ZFP90: variants seen among roughly 807,000 people sequenced by gnomAD.
The protein encoded by ZFP90 is ZFP90 zinc finger protein.
A neutral mutation model predicts 60.8 loss-of-function variants in ZFP90; 38 were observed. The observed-to-expected ratio is 0.62, with a 90% confidence interval of 0.48 to 0.82. ZFP90 has a LOEUF of 0.82. ZFP90 is among the 40% of genes least tolerant of loss of function. The pLI is 0.00. For missense variants in ZFP90, 711 were observed against 759.1 expected (o/e 0.94, Z 0.74); for synonymous variants, 287 against 264.8 (o/e 1.08, Z -0.82).
chr16:68,566,773 A>G lies in ZFP90; in HGVS notation c.*2075A>G. 1 of 985,490 alleles carries G rather than the reference A, an allele frequency of 1.0e-6. No individual in the cohort carries two copies. Among genetic ancestry groups the G allele is most frequent in the Non-Finnish European group, 1.2e-6 (1 of 829,914 alleles). 61.0% of individuals were successfully genotyped at this position (985,490 alleles called of 1,614,324 possible). A position where few individuals can be genotyped will look rare whatever the true frequency, so the allele number is the denominator to read the frequency against. ...ATGCCTGTCAGGAACTCATTATGCT[A>G]CTGGTTGTTTGGGGATCCCCATAGT... On this transcript the variant is annotated 3_prime_UTR_variant, in exon 5 of 5. Transcript: ENST00000563169.
chr16:68,562,872 T>C (rs11648314), intron 4 of ZFP90, 172 bp from the exon 5 acceptor site: 1,116,702 of 1,439,526 alleles, frequency 0.78, 433,996 homozygotes, highest in African/African-American at 0.87. Flanking sequence ...CTGCAGTCTT[T>C]GCTATCATTT....
At chr16:68,538,372 G>A (rs1251528767), upstream of ZFP90, among the ~76,000 whole-genome samples, 2 of 152,042 alleles carry the variant, frequency 1.3e-5, no homozygotes, top group Non-Finnish European at 2.9e-5. Flanking sequence ...TGATATATAA[G>A]ACATAATTAC....
chr16:68,551,571 C>T (rs139787908), intron 2 of ZFP90, among the ~76,000 whole-genome samples: 3 of 151,790 alleles, frequency 2.0e-5, no homozygotes, highest in Admixed American at 6.6e-5. Flanking sequence ...TACAGGTGCC[C>T]GCCACCACGT....
intron 2 of ZFP90, among the ~76,000 whole-genome samples, chr16:68,534,230 TTTC>T (rs2090945700): frequency 2.6e-5 from 1 of 39,190 alleles, no homozygotes; most frequent in African/African-American, 9.5e-5. Context: ...ATTTTCTTTC[TTTC>T]TTTTTTTTTT....
chr16:68,559,268 T>C (rs1373044238), intron 4 of ZFP90, among the ~76,000 whole-genome samples: 1 of 152,174 alleles, frequency 6.6e-6, no homozygotes, highest in Non-Finnish European at 1.5e-5. Flanking sequence ...TCTTCCTTAT[T>C]TGTACCATGG....
intron 2 of ZFP90, among the ~76,000 whole-genome samples, chr16:68,547,362 T>A (rs1302143430): frequency 6.6e-6 from 1 of 152,236 alleles, no homozygotes; most frequent in Admixed American, 6.5e-5. Context: ...TAATTAGTGT[T>A]CTTGAACATC....
chr16:68,542,438 A>C (rs575456319), intron 2 of ZFP90, among the ~76,000 whole-genome samples: 3 of 152,218 alleles, frequency 2.0e-5, no homozygotes, highest in Non-Finnish European at 4.4e-5. Context: ...TAAAAATACA[A>C]AAATTAGCTA....
intron 2 of ZFP90, among the ~76,000 whole-genome samples, chr16:68,555,533 A>G (rs375742059): frequency 6.6e-6 from 1 of 152,346 alleles, no homozygotes; most frequent in East Asian, 1.9e-4. Flanking sequence ...TCATTCAGGA[A>G]ACAGAGATAT....
chr16:68,559,269 T>C (rs901723960), intron 4 of ZFP90, among the ~76,000 whole-genome samples: 1 of 152,192 alleles, frequency 6.6e-6, no homozygotes, highest in Admixed American at 6.5e-5. Context: ...CTTCCTTATT[T>C]GTACCATGGT....
At chr16:68,561,483 C>G (rs1273507979) in intron 4 of ZFP90, among the ~76,000 whole-genome samples, 13 of 152,130 alleles carry the variant, frequency 8.5e-5, no homozygotes, top group Admixed American at 8.5e-4. Flanking sequence ...ATATTTATTT[C>G]TTCCTTTCCT....
upstream of ZFP90, among the ~76,000 whole-genome samples, chr16:68,536,450 G>A (rs942733734): frequency 1.3e-5 from 2 of 151,968 alleles, no homozygotes; most frequent in Non-Finnish European, 2.9e-5. Flanking sequence ...GGGGACTACC[G>A]GCATGCCACC....
At chr16:68,572,587 G>T (rs1426693932) in intron 2 of ZFP90, among the ~76,000 whole-genome samples, 4 of 152,204 alleles carry the variant, frequency 2.6e-5, no homozygotes, top group Non-Finnish European at 5.9e-5. Flanking sequence ...ATGTAAGGAG[G>T]TTCTGATCCA....
intron 2 of ZFP90, among the ~76,000 whole-genome samples, chr16:68,553,834 A>G (rs1167003563): frequency 6.6e-6 from 1 of 152,124 alleles, no homozygotes; most frequent in African/African-American, 2.4e-5. Flanking sequence ...TGTGTTGCCC[A>G]GGCTGGTCTG....
At chr16:68,567,200 A>C, downstream of ZFP90, 2 of 977,466 alleles carry the variant, frequency 2.0e-6, no homozygotes, top group South Asian at 4.7e-5. Flanking sequence ...ACCAAGAGGG[A>C]GGAATTAACT....
At position 68,539,798 on chromosome 16, in the gene ZFP90, C is replaced by T. The variant is rs1047825605; in HGVS notation, c.6C>T (p.Ala2=). M[A]PRPPTAAPQE... ...CGGGCCCTGGCGAGGCAGGAATGGC[C>T]CCGAGGCCTCCGACCGCCGCGCCCC... The change falls in exon 2 of 5, where the codon GCC becomes GCT. Residue 2 remains alanine (A), a synonymous_variant. Transcript: ENST00000563169. 1.9e-6 allele frequency: 3 copies of T among 1,602,728 alleles called. No homozygotes were observed. In the Admixed American group the frequency reaches 5.1e-5, roughly 27 times the overall value.
intron 2 of ZFP90, among the ~76,000 whole-genome samples, chr16:68,573,601 G>C (rs2152079238): frequency 6.6e-6 from 1 of 152,316 alleles, no homozygotes; most frequent in East Asian, 1.9e-4. Flanking sequence ...GTTGGGGAGT[G>C]GGAAGGCATT....
At position 68,565,928 on chromosome 16, in the gene ZFP90, C is replaced by T; in HGVS notation, c.*1230C>T. The T allele has an allele frequency of 2.4e-6, 2 of 835,852 alleles. No homozygotes were observed. Among genetic ancestry groups the T allele is most frequent in the African/African-American group, 3.7e-5 (2 of 53,850 alleles). 51.8% of individuals were successfully genotyped at this position (835,852 alleles called of 1,614,324 possible). A position where few individuals can be genotyped will look rare whatever the true frequency, so the allele number is the denominator to read the frequency against. On this transcript the variant is annotated 3_prime_UTR_variant, in exon 5 of 5. Coordinates refer to ENST00000563169, the MANE Select transcript of ZFP90 (RefSeq NM_001305203.2). ...CTGCTTGAACCCAGGAGTTCAAGAC[C>T]AGCCTGGACAACATGGTGAAACCCC...
chr16:68,558,162 G>A, intron 3 of ZFP90, 38 bp downstream of exon 3: 8 of 1,606,960 alleles, frequency 5.0e-6, no homozygotes, highest in East Asian at 4.5e-5. Flanking sequence ...CCTGCTGATG[G>A]GCCTTTCCTT....
chr16:68,547,148 G>A (rs1645923), intron 2 of ZFP90, among the ~76,000 whole-genome samples: 116,571 of 152,094 alleles, frequency 0.77, 44,765 homozygotes, highest in East Asian at 0.82. Flanking sequence ...GAGAGAAATT[G>A]CGGGGTCATA....
Sources: allele counts gnomAD v4.1 joint callset (sites outside exome capture counted in the v4.1 genomes callset), GRCh38; gene constraint gnomAD v4.1.1; transcripts MANE v1.5; gene names NCBI Gene and HGNC (gene_info 2026-07-23, HGNC 2026-07-21).